Variants in DPYD observed in about 807,000 individuals in gnomAD.
The protein encoded by DPYD is dihydropyrimidine dehydrogenase [NADP(+)].
A neutral mutation model predicts 116.2 loss-of-function variants in DPYD; 109 were observed. The observed-to-expected ratio is 0.94, with a 90% CI of 0.80 to 1.10. DPYD has a LOEUF of 1.10. Ranked by LOEUF, DPYD falls within the 50% of genes least tolerant of loss-of-function variation. The pLI, the probability that DPYD is intolerant of heterozygous loss-of-function variation, is 0.00. For synonymous variants in DPYD, 440 were observed against 432.0 expected, an observed-to-expected ratio of 1.02 and a Z score of -0.23; for missense variants, 1,302 against 1,254.5, an observed-to-expected ratio of 1.04 and a Z score of -0.57.
At chr1:97,235,479 C>A (rs1661854280) in intron 18 of DPYD, among the ~76,000 whole-genome samples, 2 of 152,054 alleles carry the variant, frequency 1.3e-5, no homozygotes, top group Non-Finnish European at 2.9e-5. Flanking sequence ...TAAACATTAA[C>A]CAGGCGTGGT....
intron 7 of DPYD, among the ~76,000 whole-genome samples, chr1:97,686,427 G>A (rs1421808431): frequency 1.3e-5 from 2 of 151,462 alleles, no homozygotes; most frequent in Non-Finnish European, 2.9e-5. Context: ...ACGAGGTCAG[G>A]AGATCGAGAC....
intron 4 of DPYD, among the ~76,000 whole-genome samples, chr1:97,734,957 A>G (rs1663841283): frequency 6.6e-6 from 1 of 152,204 alleles, no homozygotes; most frequent in Non-Finnish European, 1.5e-5. Context: ...ACTGCACAGA[A>G]ACTTTTCAGT....
chr1:97,685,208 T>C (rs1207335254), intron 7 of DPYD, among the ~76,000 whole-genome samples: 2 of 152,214 alleles, frequency 1.3e-5, no homozygotes, highest in African/African-American at 4.8e-5. Flanking sequence ...TTAATAAATG[T>C]AACTCATCAC....
chr1:97,502,607 A>C (rs1679644515), intron 13 of DPYD, among the ~76,000 whole-genome samples: 1 of 151,946 alleles, frequency 6.6e-6, no homozygotes, highest in Non-Finnish European at 1.5e-5. Flanking sequence ...TGGAGGCCGG[A>C]ATTTAGGATA....
intron 8 of DPYD, among the ~76,000 whole-genome samples, chr1:97,644,304 C>T (rs1571117891): frequency 6.6e-6 from 1 of 152,108 alleles, no homozygotes; most frequent in East Asian, 1.9e-4. Flanking sequence ...ATATATCTAC[C>T]AAAAGATCAT....
At chr1:97,815,776 G>C (rs919167349) in intron 3 of DPYD, among the ~76,000 whole-genome samples, 1 of 152,220 alleles carries the variant, frequency 6.6e-6, no homozygotes, top group Non-Finnish European at 1.5e-5. Flanking sequence ...CAATATGCAA[G>C]TATGAAGATG....
At chr1:97,872,759 C>G (rs185338422) in intron 2 of DPYD, among the ~76,000 whole-genome samples, 1 of 151,770 alleles carries the variant, frequency 6.6e-6, no homozygotes. Flanking sequence ...TAGAACTTTT[C>G]GAGAAAAAAA....
intron 7 of DPYD, among the ~76,000 whole-genome samples, chr1:97,682,677 G>T (rs999185804): frequency 6.6e-6 from 1 of 152,064 alleles, no homozygotes; most frequent in African/African-American, 2.4e-5. Flanking sequence ...AATGTTATTT[G>T]TTAAATATAT....
Position 97,573,907 on chromosome 1 carries a change from C to A in DPYD, c.1192G>T (p.Val398Leu), listed in dbSNP as rs1653085604. 1 of 1,613,722 alleles carries A rather than the reference C, an allele frequency of 6.2e-7. No homozygotes were observed. The highest frequency in any genetic ancestry group is 8.5e-7 in the Non-Finnish European group (1 of 1,179,704). ...LPFLSPRKVI[V>L]KGGRIVAMQF... ...ATAGCAACAATTCTCCCACCTTTTA[C>A]TATAACCTTCCGTGGGGACAGGAAT... is the stretch of plus-strand genomic sequence containing the variant. Residue 398 changes from valine (V) to leucine (L), a missense_variant, in exon 11 of 23, where the codon GTA (valine) becomes TTA (leucine). Coordinates refer to ENST00000370192, the MANE Select transcript of DPYD (RefSeq NM_000110.4).
chr1:97,515,367 C>A (rs1169209979), intron 13 of DPYD, among the ~76,000 whole-genome samples: 1 of 151,848 alleles, frequency 6.6e-6, no homozygotes, highest in Non-Finnish European at 1.5e-5. Flanking sequence ...AATTGAATTC[C>A]AGAATTTTGT....
At chr1:97,479,103 T>C (rs1678159223) in intron 13 of DPYD, among the ~76,000 whole-genome samples, 1 of 152,210 alleles carries the variant, frequency 6.6e-6, no homozygotes, top group Non-Finnish European at 1.5e-5. Context: ...TCAGGCTGTT[T>C]TGATGTCTTA....
At chr1:97,255,895 T>C (rs1331718113) in intron 18 of DPYD, among the ~76,000 whole-genome samples, 3 of 152,056 alleles carry the variant, frequency 2.0e-5, no homozygotes, top group African/African-American at 4.8e-5. Flanking sequence ...CTAGAAGTCA[T>C]GTGGGCTTGA....
chr1:97,771,211 G>A (rs573269104), intron 3 of DPYD, among the ~76,000 whole-genome samples: 41 of 152,220 alleles, frequency 2.7e-4, no homozygotes, highest in African/African-American at 9.4e-4. Flanking sequence ...GGGTAGTGGA[G>A]GTTGCAGTGA....
chr1:97,595,227 T>TA (rs1378814786), intron 8 of DPYD, 61 bp from the exon 9 acceptor site: 2 of 1,367,172 alleles, frequency 1.5e-6, no homozygotes, highest in Non-Finnish European at 2.1e-6. Context: ...TATTAGATAT[T>TA]AAAACAAAAA....
chr1:97,705,130 TC>T (rs1661849968), intron 5 of DPYD, among the ~76,000 whole-genome samples: 1 of 148,470 alleles, frequency 6.7e-6, no homozygotes, highest in African/African-American at 2.5e-5. Context: ...AAGCCTGAAC[TC>T]TTTTTTTTTT....
chr1:97,804,229 T>A (rs978382976), intron 3 of DPYD, among the ~76,000 whole-genome samples: 4 of 151,770 alleles, frequency 2.6e-5, no homozygotes, highest in African/African-American at 9.7e-5. Context: ...GAAATTTATA[T>A]AAATAATGCC....
intron 13 of DPYD, among the ~76,000 whole-genome samples, chr1:97,453,685 C>T (rs1198866823): frequency 6.6e-6 from 1 of 152,150 alleles, no homozygotes; most frequent in East Asian, 1.9e-4. Flanking sequence ...TACCTCAAAG[C>T]CTACAATTCT....
rs548107268 is a variant in DPYD at position 97,511,121 on chromosome 1, G to A, written c.1740+4605C>T. Reference sequence around the variant, plus strand: ...AGTAGGAGAACTGATCATGCGTGCTGAGCCCAAATTGCCAACCCACATGAC... The same window carrying A: ...AGTAGGAGAACTGATCATGCGTGCTAAGCCCAAATTGCCAACCCACATGAC... On this transcript the variant is annotated intron_variant, in intron 13 of 22. Coordinates refer to ENST00000370192, the MANE Select transcript of DPYD (RefSeq NM_000110.4). Among the ~76,000 whole-genome samples the A allele has an allele frequency of 1.7e-4, 26 of 152,016 alleles. No homozygotes were observed. The South Asian group carries it at 5.0e-3, about 29-fold the overall frequency.
intron 20 of DPYD, among the ~76,000 whole-genome samples, chr1:97,111,472 C>T (rs184363450): frequency 1.3e-5 from 2 of 151,788 alleles, no homozygotes; most frequent in Admixed American, 1.3e-4. Flanking sequence ...GACCTTAGGG[C>T]CTTTACATTT....
Sources: gnomAD v4.1 joint callset for allele counts (sites outside exome capture counted in the v4.1 genomes callset) on GRCh38, gnomAD v4.1.1 for gene constraint, MANE v1.5 for transcripts, NCBI Gene and HGNC (gene_info 2026-07-23, HGNC 2026-07-21) for gene names.